Variants in NSG2 observed in about 807,000 individuals in gnomAD.
NSG2 encodes neuronal vesicle trafficking-associated protein 2.
In NSG2, 4 loss-of-function variants were observed where a neutral mutation model predicts 16.9. The ratio of observed to expected loss-of-function variants is 0.24; its 90% CI spans 0.12 to 0.54. NSG2 has a LOEUF of 0.54. Among genes scored for constraint, NSG2 ranks in the 20% least tolerant of loss-of-function variants. NSG2 has a pLI of 0.95. For synonymous variants in NSG2, 98 were observed against 88.7 expected (o/e 1.11, Z -0.59); for missense variants, 179 against 221.1 (o/e 0.81, Z 1.21).
rs1166011113 is a variant in NSG2 at position 174,098,014 on chromosome 5, G to A, written c.214-6214G>A. Among the ~76,000 whole-genome samples, 3 of 152,154 alleles carry A rather than the reference G, an allele frequency of 2.0e-5. No individual in the cohort carries two copies. In the East Asian group the frequency reaches 5.8e-4, roughly 29 times the overall value. ...GCTGCCCGAGGCCTTCCCAGCAGAA[G>A]GTGGCTGGTAGGCGAGAGGGGTGAT... is the stretch of plus-strand genomic sequence containing the variant. On this transcript the variant is annotated intron_variant, in intron 3 of 4. Coordinates refer to ENST00000303177, the MANE Select transcript of NSG2 (RefSeq NM_015980.5).
chr5:174,103,998 C>CA (rs201874666), intron 3 of NSG2, among the ~76,000 whole-genome samples: 19 of 151,572 alleles, frequency 1.3e-4, no homozygotes, highest in Non-Finnish European at 1.8e-4. Flanking sequence ...TAAACAACAA[C>CA]AAAAAAAACC....
At chr5:174,078,090 T>G (rs1005476916) in intron 3 of NSG2, among the ~76,000 whole-genome samples, 8 of 152,188 alleles carry the variant, frequency 5.3e-5, no homozygotes, top group Non-Finnish European at 1.0e-4. Context: ...TCTATCACAC[T>G]AGCCACATTT....
At position 174,056,330 on chromosome 5, in the gene NSG2, A is replaced by G. The variant is rs561864111; in HGVS notation, c.130-7902A>G. ...AAAGATTTGCTGAGATACAGGATGT[A>G]AAGTGTTTGGCACAGTGCCAGGCAC... On this transcript the variant is annotated intron_variant, in intron 2 of 4. Coordinates refer to ENST00000303177, the MANE Select transcript of NSG2 (RefSeq NM_015980.5). 2.0e-5 allele frequency: 3 copies of G among 152,380 alleles called. No homozygotes were observed. In the East Asian group the frequency reaches 5.8e-4, roughly 29 times the overall value. The allele number at this position is 152,380 out of a possible 1,614,324, so 9.4% of individuals were successfully genotyped here.
rs375416864 is a variant in NSG2 at position 174,048,201 on chromosome 5, G to A, written c.129+1317G>A. Among the ~76,000 whole-genome samples the A allele has an allele frequency of 3.5e-4, 54 of 152,328 alleles. 2 individuals carry two copies. In the South Asian group the frequency reaches 0.011, roughly 31 times the overall value. On this transcript the variant is annotated intron_variant, in intron 2 of 4. Coordinates refer to ENST00000303177, the MANE Select transcript of NSG2 (RefSeq NM_015980.5). ...GATGAGAAGGGGCAATATTAATAGA[G>A]TATGTGCTACATGTATATCAGAGCT...
At chr5:174,104,378 C>A in intron 4 of NSG2, 40 bp downstream of exon 4, 1 of 1,388,246 alleles carries the variant, frequency 7.2e-7, no homozygotes, top group Non-Finnish European at 1.0e-6. Flanking sequence ...CTATCAAATT[C>A]AGTTAGAGGG....
intron 2 of NSG2, among the ~76,000 whole-genome samples, chr5:174,059,066 G>A (rs1031725763): frequency 6.6e-6 from 1 of 152,162 alleles, no homozygotes; most frequent in Non-Finnish European, 1.5e-5. Flanking sequence ...TGAAGAGAGG[G>A]TTATGGTCCC....
chr5:174,060,579 A>G (rs1760034097), intron 2 of NSG2, among the ~76,000 whole-genome samples: 1 of 152,196 alleles, frequency 6.6e-6, no homozygotes, highest in Admixed American at 6.5e-5. Context: ...TAAAACCCAT[A>G]AACTTATTAT....
intron 2 of NSG2, among the ~76,000 whole-genome samples, chr5:174,061,370 C>A (rs1156711229): frequency 6.6e-6 from 1 of 152,214 alleles, no homozygotes; most frequent in Non-Finnish European, 1.5e-5. Flanking sequence ...TATGTTCTTT[C>A]ATTTGGTCCA....
intron 3 of NSG2, among the ~76,000 whole-genome samples, chr5:174,084,709 G>T (rs1000933564): frequency 3.9e-5 from 6 of 152,250 alleles, no homozygotes; most frequent in African/African-American, 1.4e-4. Flanking sequence ...CCCACCCTCG[G>T]TTGTGAGGCC....
intron 3 of NSG2, chr5:174,082,554 T>C (rs572797309): frequency 6.6e-6 from 1 of 152,338 alleles, no homozygotes; most frequent in African/African-American, 2.4e-5. Flanking sequence ...GCATGTTGAT[T>C]GCTCTGTGGG....
At chr5:174,102,623 G>A (rs961244676) in intron 3 of NSG2, among the ~76,000 whole-genome samples, 2 of 127,454 alleles carry the variant, frequency 1.6e-5, no homozygotes, top group Non-Finnish European at 3.1e-5. Flanking sequence ...AATCCTGATG[G>A]TGCCCCCACT....
intron 3 of NSG2, among the ~76,000 whole-genome samples, chr5:174,066,863 G>A (rs974675315): frequency 1.2e-4 from 18 of 150,584 alleles, no homozygotes; most frequent in Admixed American, 2.6e-4. Flanking sequence ...AGTGGCGGGC[G>A]CCTGTAGTCC....
chr5:174,094,625 G>A (rs1442473550), intron 3 of NSG2, among the ~76,000 whole-genome samples: 2 of 152,192 alleles, frequency 1.3e-5, no homozygotes, highest in African/African-American at 4.8e-5. Context: ...AGCTGTGAGA[G>A]AGAAGCTTCT....
chr5:174,061,948 G>A (rs1261234655), intron 2 of NSG2, among the ~76,000 whole-genome samples: 3 of 150,032 alleles, frequency 2.0e-5, no homozygotes, highest in Non-Finnish European at 4.4e-5. Context: ...GGAAGTTGGG[G>A]GCATTCTTGA....
intron 3 of NSG2, among the ~76,000 whole-genome samples, chr5:174,076,047 A>G (rs182867500): frequency 2.0e-5 from 3 of 152,342 alleles, no homozygotes; most frequent in Admixed American, 2.0e-4. Flanking sequence ...GCAATCTGAC[A>G]GACCTGGTTT....
intron 3 of NSG2, among the ~76,000 whole-genome samples, chr5:174,092,935 A>G (rs375009774): frequency 6.6e-6 from 1 of 152,180 alleles, no homozygotes; most frequent in African/African-American, 2.4e-5. Flanking sequence ...GTAAAAACAT[A>G]TGGGGGATTG....
At chr5:174,061,975 G>T (rs1229908366) in intron 2 of NSG2, among the ~76,000 whole-genome samples, 3 of 148,042 alleles carry the variant, frequency 2.0e-5, no homozygotes, top group African/African-American at 5.0e-5. Context: ...ATGTTCCTGA[G>T]AAGTCCTTGT....
At chr5:174,057,650 A>T (rs998811897) in intron 2 of NSG2, among the ~76,000 whole-genome samples, 1 of 152,186 alleles carries the variant, frequency 6.6e-6, no homozygotes, top group Non-Finnish European at 1.5e-5. Flanking sequence ...CTCATTTATA[A>T]TCATTCCTCA....
intron 3 of NSG2, among the ~76,000 whole-genome samples, chr5:174,079,206 A>ATTTC (rs1760402752): frequency 4.0e-5 from 6 of 151,864 alleles, no homozygotes; most frequent in Non-Finnish European, 8.8e-5. Flanking sequence ...ATAGGTAGGA[A>ATTTC]ATGGCCCTTC....
Sources: gnomAD v4.1 joint callset for allele counts (sites outside exome capture counted in the v4.1 genomes callset) on GRCh38, gnomAD v4.1.1 for gene constraint, MANE v1.5 for transcripts, NCBI Gene and HGNC (gene_info 2026-07-23, HGNC 2026-07-21) for gene names.